The following NAP1L1 variants were observed in gnomAD, a reference collection of about 807,000 sequenced individuals.
NAP1L1 encodes nucleosome assembly protein 1 like 1.
In NAP1L1, 9 loss-of-function variants were observed where a neutral mutation model predicts 58.9. That is an observed-to-expected ratio of 0.15 (90% CI 0.09 to 0.27). The LOEUF (loss-of-function observed/expected upper bound fraction) is 0.27. Ranked by LOEUF, NAP1L1 falls within the 10% of genes least tolerant of loss-of-function variation. NAP1L1 has a pLI of 1.00. For synonymous variants in NAP1L1, 130 were observed against 138.3 expected (o/e 0.94, Z 0.42); for missense variants, 302 against 458.8 (o/e 0.66, Z 3.12).
At chr12:76,083,610 A>G (rs1415092299) in intron 1 of NAP1L1, among the ~76,000 whole-genome samples, 1 of 152,106 alleles carries the variant, frequency 6.6e-6, no homozygotes, top group African/African-American at 2.4e-5. Flanking sequence ...AAAAACCCTG[A>G]TCAAGACACC....
chr12:76,064,133 A>C (rs1949548457), intron 4 of NAP1L1, among the ~76,000 whole-genome samples: 1 of 152,186 alleles, frequency 6.6e-6, no homozygotes, highest in South Asian at 2.1e-4. Flanking sequence ...TCACAGAGTA[A>C]GGCCTTGTCA....
intron 8 of NAP1L1, among the ~76,000 whole-genome samples, chr12:76,054,412 G>A (rs975540797): frequency 3.3e-5 from 5 of 152,148 alleles, no homozygotes; most frequent in African/African-American, 4.8e-5. Context: ...AAATAATAAT[G>A]AGGTACAAAT....
At chr12:76,072,447 A>G (rs1472008718) in intron 2 of NAP1L1, among the ~76,000 whole-genome samples, 1 of 152,064 alleles carries the variant, frequency 6.6e-6, no homozygotes, top group Non-Finnish European at 1.5e-5. Context: ...AATAGGACAA[A>G]AGGTCATGAG....
chr12:76,056,440 C>T (rs1183888053), intron 6 of NAP1L1: 1 of 364,342 alleles, frequency 2.7e-6, no homozygotes, highest in East Asian at 7.0e-5. Flanking sequence ...AAGACTTAAG[C>T]ATAATAAACA....
intron 6 of NAP1L1, chr12:76,057,846 A>T (rs746988038): frequency 1.4e-4 from 207 of 1,515,336 alleles, no homozygotes; most frequent in Non-Finnish European, 1.8e-4. Context: ...GAAGGGGTCA[A>T]ATAAAACAAA....
intron 1 of NAP1L1, among the ~76,000 whole-genome samples, chr12:76,081,077 T>TA: frequency 2.4e-5 from 1 of 41,840 alleles, no homozygotes; most frequent in South Asian, 1.7e-3. Flanking sequence ...AGAAATAAAT[T>TA]CTTTTTTTTT....
chr12:76,050,738 G>A (rs1224524410), intron 11 of NAP1L1, 85 bp from the exon 12 acceptor site: 1 of 1,406,850 alleles, frequency 7.1e-7, no homozygotes, highest in Non-Finnish European at 9.6e-7. Context: ...TAGAGGCTGG[G>A]TGTGATGGCT....
Position 76,084,618 on chromosome 12 carries a change from A to C in NAP1L1, c.-72T>G, listed in dbSNP as rs1018131483. ...GCCGGAGCTGCGCAGGCAGTGACTCAGGGCGGCAGCGGCAGCAGCAGCGGG... is the reference window on the plus strand; with the variant it reads ...GCCGGAGCTGCGCAGGCAGTGACTCCGGGCGGCAGCGGCAGCAGCAGCGGG... On this transcript the variant is annotated 5_prime_UTR_variant, in exon 1 of 15. Coordinates refer to ENST00000618691, the MANE Select transcript of NAP1L1 (RefSeq NM_004537.7). 6.5e-6 allele frequency: 1 copy of C among 153,430 alleles called. No individual in the cohort carries two copies. The highest frequency in any genetic ancestry group is 1.4e-5 in the Non-Finnish European group (1 of 69,014). 9.5% of individuals were successfully genotyped at this position (153,430 alleles called of 1,614,324 possible). A position where few individuals can be genotyped will look rare whatever the true frequency, so the allele number is the denominator to read the frequency against.
chr12:76,080,077 T>C lies in NAP1L1; in HGVS notation c.-21+4490A>G, dbSNP rs561046124. ...CAACTGACTGAACTAATTGGATACA[T>C]AGAGCTGACATAAGGCTAAGAAACC... On this transcript the variant is annotated intron_variant, in intron 1 of 14. Coordinates refer to ENST00000618691, the MANE Select transcript of NAP1L1 (RefSeq NM_004537.7). Among the ~76,000 whole-genome samples the C allele has an allele frequency of 1.8e-4, 28 of 152,258 alleles. No individual in the cohort carries two copies. The South Asian group carries it at 4.8e-3, about 26-fold the overall frequency.
Position 76,045,757 on chromosome 12 carries a change from C to T in NAP1L1, c.*2672G>A, listed in dbSNP as rs1023725227. The T allele has an allele frequency of 2.0e-5, 3 of 152,012 alleles. No individual in the cohort carries two copies. Among genetic ancestry groups the T allele is most frequent in the African/African-American group, 7.2e-5 (3 of 41,426 alleles). The allele number at this position is 152,012 out of a possible 1,614,324, so 9.4% of individuals were successfully genotyped here. Reference sequence around the variant, plus strand: ...TTGTGGAATTTGTGGAACACTTACCCTACTTGAGTGACCATAAAGCAAACA... The same window carrying T: ...TTGTGGAATTTGTGGAACACTTACCTTACTTGAGTGACCATAAAGCAAACA... On this transcript the variant is annotated 3_prime_UTR_variant, in exon 15 of 15. Transcript: ENST00000618691.
Position 76,037,306 on chromosome 12 carries a change from A to C in NAP1L1, c.*11123T>G, listed in dbSNP as rs1871069887. 6.6e-6 allele frequency: 1 copy of C among 152,248 alleles called. No homozygotes were observed. Among genetic ancestry groups the C allele is most frequent in the African/African-American group, 2.4e-5 (1 of 41,446 alleles). 9.4% of individuals were successfully genotyped at this position (152,248 alleles called of 1,614,324 possible). ...ATGAACTGATGCCTCCTAGTGACCA[A>C]TCTGTGTAACAGCTTAAAGCAAGTG... On this transcript the variant is annotated 3_prime_UTR_variant, in exon 15 of 15. Transcript: ENST00000618691.
At position 76,039,627 on chromosome 12, in the gene NAP1L1, A is replaced by G. The variant is rs897698294; in HGVS notation, c.*8802T>C. 5 of 152,228 alleles carry G rather than the reference A, an allele frequency of 3.3e-5. No homozygotes were observed. Among genetic ancestry groups the G allele is most frequent in the African/African-American group, 1.2e-4 (5 of 41,454 alleles). 9.4% of individuals were successfully genotyped at this position (152,228 alleles called of 1,614,324 possible). On this transcript the variant is annotated 3_prime_UTR_variant, in exon 15 of 15. Transcript: ENST00000618691. ...CTCTGAAAGCTCTAGCCTAAAGAAC[A>G]TGCTTATTTAACCACTAGTTGTGTG...
intron 8 of NAP1L1, 138 bp from the exon 9 acceptor site, chr12:76,054,047 T>C: frequency 9.5e-7 from 1 of 1,050,100 alleles, no homozygotes. Context: ...ATCTTCTTTT[T>C]GAGACTGAGT....
chr12:76,039,949 C>A lies in NAP1L1; in HGVS notation c.*8480G>T, dbSNP rs1948536882. The stretch of plus-strand genomic sequence containing the variant: ...AACCTCTCAGTCTAGTTACATTATA[C>A]CCAACTTTTGAAAACACGTGTACTT... On this transcript the variant is annotated 3_prime_UTR_variant, in exon 15 of 15. Transcript: ENST00000618691. The A allele has an allele frequency of 6.6e-6, 1 of 152,150 alleles. No homozygotes were observed. The allele number at this position is 152,150 out of a possible 1,614,324, so 9.4% of individuals were successfully genotyped here.
rs1268519933 is a variant in NAP1L1 at position 76,043,928 on chromosome 12, C to T, written c.*4501G>A. ...CAACTCTGGATATGAGATCTGTCGA[C>T]TTCTGGCACTCACGTTTAATCACAC... On this transcript the variant is annotated 3_prime_UTR_variant, in exon 15 of 15. Transcript: ENST00000618691. The T allele has an allele frequency of 1.3e-5, 2 of 152,190 alleles. No individual in the cohort carries two copies. The highest frequency in any genetic ancestry group is 2.9e-5 in the Non-Finnish European group (2 of 68,054). 9.4% of individuals were successfully genotyped at this position (152,190 alleles called of 1,614,324 possible).
In NAP1L1 at chr12:76,081,133, C is replaced by G. The variant is rs144511849; in HGVS notation, c.-21+3434G>C. Among the ~76,000 whole-genome samples, 5 of 152,072 alleles carry G rather than the reference C, an allele frequency of 3.3e-5. No individual in the cohort carries two copies. In the East Asian group the frequency reaches 5.8e-4, roughly 18 times the overall value. Reference sequence around the variant, plus strand: ...GGTATTCTAAGCAACAGAAAATGAACTAATATTCATGCTGATTTATAGCAG... The same window carrying G: ...GGTATTCTAAGCAACAGAAAATGAAGTAATATTCATGCTGATTTATAGCAG... On this transcript the variant is annotated intron_variant, in intron 1 of 14. Coordinates refer to ENST00000618691, the MANE Select transcript of NAP1L1 (RefSeq NM_004537.7).
chr12:76,053,650 T>G lies in NAP1L1; in HGVS notation c.770+120A>C, dbSNP rs369066320. The G allele has an allele frequency of 6.0e-4, 735 of 1,232,114 alleles. 17 individuals are homozygous for G. In the South Asian group the frequency reaches 0.01, roughly 17 times the overall value. 76.3% of individuals were successfully genotyped at this position (1,232,114 alleles called of 1,614,324 possible). On this transcript the variant is annotated intron_variant, in intron 9 of 14. Coordinates refer to ENST00000618691, the MANE Select transcript of NAP1L1 (RefSeq NM_004537.7). Reference sequence around the variant, plus strand: ...CTTGATAAGCACTTTTCAGAAAACATATTACCAAAATGTTCAGAGACAGAC... The same window carrying G: ...CTTGATAAGCACTTTTCAGAAAACAGATTACCAAAATGTTCAGAGACAGAC...
At position 76,053,116 on chromosome 12, in the gene NAP1L1, A is replaced by C; in HGVS notation, c.917-6T>G. 6.2e-7 allele frequency: 1 copy of C among 1,612,330 alleles called. No homozygotes were observed. Among genetic ancestry groups the C allele is most frequent in the Non-Finnish European group, 8.5e-7 (1 of 1,178,994 alleles). ...CAGATCTCCACTCTCAGGAACTGCAAAATTGAGAAAAGAAATTACAATGAA... is the reference window on the plus strand; with the variant it reads ...CAGATCTCCACTCTCAGGAACTGCACAATTGAGAAAAGAAATTACAATGAA... On this transcript the variant is annotated splice_polypyrimidine_tract_variant and splice_region_variant and intron_variant, in intron 10 of 14. Coordinates refer to ENST00000618691, the MANE Select transcript of NAP1L1 (RefSeq NM_004537.7).
chr12:76,053,620 G>A, intron 9 of NAP1L1, 150 bp downstream of exon 9: 3 of 1,011,482 alleles, frequency 3.0e-6, no homozygotes, highest in Non-Finnish European at 4.2e-6. Flanking sequence ...GAGAATTACA[G>A]GAAACTTGAT....
Sources: allele counts gnomAD v4.1 joint callset (sites outside exome capture counted in the v4.1 genomes callset), GRCh38; gene constraint gnomAD v4.1.1; transcripts MANE v1.5; gene names NCBI Gene and HGNC (gene_info 2026-07-23, HGNC 2026-07-21).